Variants in WWOX observed in about 807,000 individuals in gnomAD.
WWOX encodes the protein WW domain-containing oxidoreductase.
In WWOX, 69 loss-of-function variants were observed where a neutral mutation model predicts 46.2. The observed-to-expected ratio is 1.49, with a 90% CI of 1.23 to 1.82. The LOEUF is 1.82. WWOX is among the 40% of genes most tolerant of loss of function. WWOX has a pLI of 0.00. For missense variants in WWOX, 919 were observed against 542.6 expected (o/e 1.69, Z -6.89); for synonymous variants, 359 against 202.6 (o/e 1.77, Z -6.56).
intron 5 of WWOX, among the ~76,000 whole-genome samples, chr16:78,236,426 GAC>G (rs1231219038): frequency 6.6e-6 from 1 of 152,078 alleles, no homozygotes; most frequent in African/African-American, 2.4e-5. Flanking sequence ...TTGCTTTTTT[GAC>G]AGACACATTA....
intron 4 of WWOX, among the ~76,000 whole-genome samples, chr16:78,140,411 G>C (rs77799933): frequency 0.023 from 3,551 of 152,212 alleles, 153 homozygotes; most frequent in African/African-American, 0.081. Context: ...CCATAAACTG[G>C]GTGGCTTGGG....
At chr16:78,295,070 G>T in intron 5 of WWOX, among the ~76,000 whole-genome samples, 1 of 152,120 alleles carries the variant, frequency 6.6e-6, no homozygotes, top group East Asian at 1.9e-4. Flanking sequence ...GGTATTGTGG[G>T]GCCGCTGTAG....
At chr16:78,453,779 C>T (rs900284667) in intron 8 of WWOX, among the ~76,000 whole-genome samples, 21 of 152,058 alleles carry the variant, frequency 1.4e-4, no homozygotes, top group African/African-American at 5.1e-4. Flanking sequence ...AGTTTTTAAA[C>T]AGTGCGAAGA....
At chr16:78,975,746 C>G (rs540113326) in intron 8 of WWOX, among the ~76,000 whole-genome samples, 1 of 152,132 alleles carries the variant, frequency 6.6e-6, no homozygotes, top group Non-Finnish European at 1.5e-5. Context: ...CAATTGAGGC[C>G]TTTGGGCAAG....
At chr16:79,150,546 T>C (rs2050258944) in intron 8 of WWOX, among the ~76,000 whole-genome samples, 1 of 152,180 alleles carries the variant, frequency 6.6e-6, no homozygotes, top group Non-Finnish European at 1.5e-5. Context: ...GGGCAGCCAT[T>C]ATTGACGTCC....
intron 6 of WWOX, among the ~76,000 whole-genome samples, chr16:78,400,522 G>A (rs2082387638): frequency 1.3e-5 from 2 of 152,090 alleles, no homozygotes; most frequent in African/African-American, 2.4e-5. Context: ...CTGGACAGAA[G>A]GAAGACTTGG....
intron 8 of WWOX, among the ~76,000 whole-genome samples, chr16:78,987,976 T>G (rs2046813661): frequency 6.6e-6 from 1 of 151,930 alleles, no homozygotes; most frequent in African/African-American, 2.4e-5. Flanking sequence ...ATTGAGTAAT[T>G]TCAAGAAATT....
At chr16:78,519,120 T>G (rs2043297182) in intron 8 of WWOX, among the ~76,000 whole-genome samples, 1 of 152,234 alleles carries the variant, frequency 6.6e-6, no homozygotes, top group Admixed American at 6.5e-5. Flanking sequence ...CTCCGTCTAT[T>G]AGCTGTGTGG....
intron 8 of WWOX, among the ~76,000 whole-genome samples, chr16:79,079,554 C>T (rs1429877423): frequency 6.6e-6 from 1 of 152,166 alleles, no homozygotes; most frequent in Non-Finnish European, 1.5e-5. Context: ...TTCCCCTAGT[C>T]ACCTGGTGCT....
At chr16:78,798,620 G>A (rs1490546767) in intron 8 of WWOX, among the ~76,000 whole-genome samples, 1 of 147,968 alleles carries the variant, frequency 6.8e-6, no homozygotes, top group African/African-American at 2.5e-5. Context: ...GAGATTTACA[G>A]TGATCTTTCC....
At chr16:79,096,405 T>G (rs934408462) in intron 8 of WWOX, among the ~76,000 whole-genome samples, 1 of 152,016 alleles carries the variant, frequency 6.6e-6, no homozygotes, top group African/African-American at 2.4e-5. Context: ...CCAGTGCTCT[T>G]CCCCCTGCTC....
chr16:78,735,394 A>AACACACACACACACACAC lies in WWOX; in HGVS notation c.1056+302657_1056+302674dup, dbSNP rs35975130. ...AGAGATGTCATACACACCACACACA[A>AACACACACACACACACAC]ACACACACACACACACACACACACA... On this transcript the variant is annotated intron_variant, in intron 8 of 8. Coordinates refer to ENST00000566780, the MANE Select transcript of WWOX (RefSeq NM_016373.4). Among the ~76,000 whole-genome samples the AACACACACACACACACAC allele has an allele frequency of 8.0e-3, 973 of 121,362 alleles. 15 individuals are homozygous for AACACACACACACACACAC. The highest frequency in any genetic ancestry group is 0.02 in the African/African-American group (660 of 32,298). The allele number at this position is 121,362 out of a possible 152,430, so 79.6% of individuals were successfully genotyped here.
In WWOX at chr16:79,211,590, T is replaced by G. The variant is rs780546419; in HGVS notation, c.1057-18T>G. 12 of 1,613,874 alleles carry G rather than the reference T, an allele frequency of 7.4e-6. No homozygotes were observed. The highest frequency in any genetic ancestry group is 1.6e-4 in the Middle Eastern group (1 of 6,080). On this transcript the variant is annotated intron_variant, in intron 8 of 8. Coordinates refer to ENST00000566780, the MANE Select transcript of WWOX (RefSeq NM_016373.4). ...CTTTTCTTAAAATTTTTTTTTGTCT[T>G]TCTTCTTGGATTTCCAGCAACAGGG...
At chr16:79,042,022 C>G (rs1289043056) in intron 8 of WWOX, among the ~76,000 whole-genome samples, 1 of 152,112 alleles carries the variant, frequency 6.6e-6, no homozygotes. Flanking sequence ...ACCTTCTATC[C>G]TACTCTTTAT....
At chr16:78,502,500 A>G (rs945216694) in intron 8 of WWOX, among the ~76,000 whole-genome samples, 4 of 152,206 alleles carry the variant, frequency 2.6e-5, no homozygotes, top group African/African-American at 7.2e-5. Flanking sequence ...TATCCCTGCG[A>G]CAGCATCTAC....
At chr16:78,919,986 T>C (rs2045341281) in intron 8 of WWOX, among the ~76,000 whole-genome samples, 1 of 152,196 alleles carries the variant, frequency 6.6e-6, no homozygotes, top group Non-Finnish European at 1.5e-5. Flanking sequence ...TTTGCCTCCT[T>C]CTCATGCTTT....
At chr16:78,445,901 G>C (rs527471606) in intron 8 of WWOX, among the ~76,000 whole-genome samples, 4 of 143,160 alleles carry the variant, frequency 2.8e-5, no homozygotes, top group East Asian at 4.8e-4. Flanking sequence ...GGGCAGGGGA[G>C]GGGGGAAAGA....
At chr16:78,987,961 C>T (rs1052194803) in intron 8 of WWOX, among the ~76,000 whole-genome samples, 9 of 151,922 alleles carry the variant, frequency 5.9e-5, no homozygotes, top group Admixed American at 5.9e-4. Flanking sequence ...AGGTAACAAA[C>T]CCAAATTGAG....
At chr16:79,030,834 G>C (rs1209302571) in intron 8 of WWOX, among the ~76,000 whole-genome samples, 1 of 152,132 alleles carries the variant, frequency 6.6e-6, no homozygotes, top group Non-Finnish European at 1.5e-5. Flanking sequence ...TGTAATTCTA[G>C]CACTTTGGGA....
Sources: gnomAD v4.1 joint callset for allele counts (sites outside exome capture counted in the v4.1 genomes callset) on GRCh38, gnomAD v4.1.1 for gene constraint, MANE v1.5 for transcripts, NCBI Gene and HGNC (gene_info 2026-07-23, HGNC 2026-07-21) for gene names.